ADCY8: variants seen among roughly 807,000 people sequenced by gnomAD.
ADCY8 encodes adenylate cyclase 8, also known as adenylate cyclase type 8.
Under a neutral mutation model 119.7 loss-of-function variants are expected in ADCY8, and 51 were observed. The ratio of observed to expected loss-of-function variants is 0.43; its 90% CI spans 0.34 to 0.54. ADCY8 has a LOEUF of 0.54. Among genes scored for constraint, ADCY8 ranks in the 20% least tolerant of loss-of-function variants. ADCY8 has a pLI of 0.03. For missense variants in ADCY8, 1,383 were observed against 1,598.8 expected, an observed-to-expected ratio of 0.87 and a Z score of 2.30; for synonymous variants, 665 against 651.0, an observed-to-expected ratio of 1.02 and a Z score of -0.33.
chr8:130,859,891 A>G (rs1353377050), intron 9 of ADCY8, among the ~76,000 whole-genome samples: 1 of 152,186 alleles, frequency 6.6e-6, no homozygotes, highest in Non-Finnish European at 1.5e-5. Flanking sequence ...TATAAATGGA[A>G]TAATATATAT....
intron 8 of ADCY8, among the ~76,000 whole-genome samples, chr8:130,875,199 G>C (rs974348553): frequency 5.9e-5 from 9 of 152,246 alleles, no homozygotes; most frequent in Non-Finnish European, 1.2e-4. Context: ...AGACAATAAA[G>C]GAGTCTTATA....
intron 11 of ADCY8, among the ~76,000 whole-genome samples, chr8:130,838,417 C>G (rs1817051085): frequency 6.6e-6 from 1 of 152,126 alleles, no homozygotes; most frequent in Admixed American, 6.5e-5. Flanking sequence ...TTAGGTAATT[C>G]ATTTTGATGC....
At chr8:130,942,516 T>A (rs972445109) in intron 4 of ADCY8, among the ~76,000 whole-genome samples, 2 of 152,208 alleles carry the variant, frequency 1.3e-5, no homozygotes, top group Non-Finnish European at 2.9e-5. Flanking sequence ...TAGCAGCATG[T>A]ACAATACCTA....
At chr8:130,994,028 C>T (rs771808435) in intron 1 of ADCY8, among the ~76,000 whole-genome samples, 69 of 152,214 alleles carry the variant, frequency 4.5e-4, no homozygotes, top group Non-Finnish European at 1.0e-4. Flanking sequence ...ACTGAAAGCT[C>T]TGCTTTTGTC....
At chr8:131,001,913 T>A (rs557470725) in intron 1 of ADCY8, among the ~76,000 whole-genome samples, 1 of 152,046 alleles carries the variant, frequency 6.6e-6, no homozygotes, top group East Asian at 1.9e-4. Context: ...GTAGAGGGGG[T>A]GCTTAGGGAT....
intron 13 of ADCY8, 27 bp from the exon 14 acceptor site, chr8:130,814,254 G>A (rs1374260301): frequency 6.2e-7 from 1 of 1,611,874 alleles, no homozygotes; most frequent in Non-Finnish European, 8.5e-7. Flanking sequence ...AGAAAGAGGA[G>A]AATGAGGTAA....
At chr8:130,872,520 C>T (rs563961448) in intron 8 of ADCY8, among the ~76,000 whole-genome samples, 1 of 152,196 alleles carries the variant, frequency 6.6e-6, no homozygotes, top group African/African-American at 2.4e-5. Flanking sequence ...TTATGATATA[C>T]AGAAAGGGAA....
chr8:130,870,698 T>C (rs1818323478), intron 8 of ADCY8, among the ~76,000 whole-genome samples: 1 of 152,178 alleles, frequency 6.6e-6, no homozygotes, highest in East Asian at 1.9e-4. Context: ...ACTACTTTTA[T>C]GAAGGTTTTT....
At chr8:130,809,027 G>A (rs1816076634) in intron 14 of ADCY8, among the ~76,000 whole-genome samples, 1 of 152,208 alleles carries the variant, frequency 6.6e-6, no homozygotes, top group Non-Finnish European at 1.5e-5. Context: ...CAGAGGAAGT[G>A]AGTGCTATTC....
At chr8:130,918,660 C>CT (rs2130574757) in intron 5 of ADCY8, among the ~76,000 whole-genome samples, 1 of 152,256 alleles carries the variant, frequency 6.6e-6, no homozygotes, top group South Asian at 2.1e-4. Context: ...AGGGATGTAG[C>CT]TTTCAACATT....
chr8:130,866,105 C>T (rs1818111621), intron 9 of ADCY8, among the ~76,000 whole-genome samples: 1 of 152,104 alleles, frequency 6.6e-6, no homozygotes, highest in South Asian at 2.1e-4. Context: ...TTGCTACCCA[C>T]TTCTATATTG....
chr8:130,833,374 A>G (rs1428505208), intron 12 of ADCY8, among the ~76,000 whole-genome samples: 2 of 152,224 alleles, frequency 1.3e-5, no homozygotes, highest in African/African-American at 4.8e-5. Context: ...CATGTAAATT[A>G]GACATTAGTA....
Position 130,992,402 on chromosome 8 carries a change from T to C in ADCY8, c.961-1860A>G, listed in dbSNP as rs1202134108. Reference sequence around the variant, plus strand: ...TCTGGCATATATATATATATATATATATATATATATATATATATATATATA... The same window carrying C: ...TCTGGCATATATATATATATATATACATATATATATATATATATATATATA... On this transcript the variant is annotated intron_variant, in intron 1 of 17. Transcript: ENST00000286355. Among the ~76,000 whole-genome samples the C allele has an allele frequency of 9.4e-4, 28 of 29,786 alleles. 4 individuals are homozygous for C. Among genetic ancestry groups the C allele is most frequent in the African/African-American group, 3.5e-3 (26 of 7,346 alleles). 19.5% of individuals were successfully genotyped at this position (29,786 alleles called of 152,430 possible).
intron 13 of ADCY8, among the ~76,000 whole-genome samples, chr8:130,819,755 T>A (rs963800580): frequency 1.6e-4 from 24 of 150,680 alleles, no homozygotes; most frequent in Admixed American, 1.1e-3. Context: ...AAGACCCCAG[T>A]CCTCACAGAT....
At chr8:130,952,136 A>C in intron 2 of ADCY8, 138 bp from the exon 3 acceptor site, 1 of 976,550 alleles carries the variant, frequency 1.0e-6, no homozygotes, top group South Asian at 1.7e-5. Context: ...TATGAATACA[A>C]CAAATATTTA....
At chr8:130,948,600 G>T (rs1307841144) in intron 3 of ADCY8, among the ~76,000 whole-genome samples, 1 of 136,668 alleles carries the variant, frequency 7.3e-6, no homozygotes, top group African/African-American at 2.7e-5. Flanking sequence ...TGTAAGTCAA[G>T]ACTTAGATGT....
At chr8:131,011,890 T>G (rs1223745198) in intron 1 of ADCY8, among the ~76,000 whole-genome samples, 2 of 152,098 alleles carry the variant, frequency 1.3e-5, no homozygotes, top group African/African-American at 4.8e-5. Flanking sequence ...TCCCTGAGGA[T>G]GGGTTGTCAC....
chr8:130,972,319 T>A (rs894454487), intron 2 of ADCY8, among the ~76,000 whole-genome samples: 1 of 152,180 alleles, frequency 6.6e-6, no homozygotes, highest in South Asian at 2.1e-4. Flanking sequence ...GAAAAATATA[T>A]GTCCACAGTC....
intron 2 of ADCY8, among the ~76,000 whole-genome samples, chr8:130,966,740 C>T (rs1489283792): frequency 6.6e-6 from 1 of 152,148 alleles, no homozygotes; most frequent in African/African-American, 2.4e-5. Flanking sequence ...CCTGCTGAAC[C>T]CCTCTGTACC....
Sources: gnomAD v4.1 joint callset for allele counts (sites outside exome capture counted in the v4.1 genomes callset) on GRCh38, gnomAD v4.1.1 for gene constraint, MANE v1.5 for transcripts, NCBI Gene and HGNC (gene_info 2026-07-23, HGNC 2026-07-21) for gene names.